Variants in MCCC1 observed in about 807,000 individuals in gnomAD.
The protein encoded by MCCC1 is methylcrotonoyl-CoA carboxylase subunit alpha, mitochondrial.
Under a neutral mutation model 83.8 loss-of-function variants are expected in MCCC1, and 64 were observed. The ratio of observed to expected loss-of-function variants is 0.76; its 90% CI spans 0.62 to 0.94. The LOEUF (loss-of-function observed/expected upper bound fraction) is 0.94. MCCC1 is among the 40% of genes least tolerant of loss of function. The pLI, the probability that MCCC1 is intolerant of heterozygous loss-of-function variation, is 0.00. For synonymous variants in MCCC1, 322 were observed against 315.4 expected (o/e 1.02, Z -0.22); for missense variants, 807 against 904.7 (o/e 0.89, Z 1.39).
intron 9 of MCCC1, among the ~76,000 whole-genome samples, chr3:183,051,503 G>A (rs995001334): frequency 2.2e-4 from 34 of 152,074 alleles, no homozygotes; most frequent in African/African-American, 6.3e-4. Flanking sequence ...AGTGGCTGCC[G>A]GGGTTTAGGG....
In MCCC1 at chr3:183,057,497, T is replaced by C. The variant is rs926526210; in HGVS notation, c.762-75A>G. ...TATCACATTCGTTAAGCTAAACTGT[T>C]AGGCACAATCACCAGGATTTCTCCA... is the stretch of plus-strand genomic sequence containing the variant. On this transcript the variant is annotated intron_variant, in intron 7 of 18. Coordinates refer to ENST00000265594, the MANE Select transcript of MCCC1 (RefSeq NM_020166.5). 5.2e-6 allele frequency: 6 copies of C among 1,146,942 alleles called. No individual in the cohort carries two copies. In the East Asian group the frequency reaches 1.3e-4, roughly 25 times the overall value. The allele number at this position is 1,146,942 out of a possible 1,614,324, so 71.0% of individuals were successfully genotyped here.
chr3:183,076,979 A>G (rs1467236844), intron 4 of MCCC1, among the ~76,000 whole-genome samples: 1 of 152,234 alleles, frequency 6.6e-6, no homozygotes, highest in Non-Finnish European at 1.5e-5. Context: ...ATGGAATCAT[A>G]TAATACATGC....
chr3:183,095,139 C>T (rs1045844759), intron 1 of MCCC1, among the ~76,000 whole-genome samples: 22 of 151,924 alleles, frequency 1.4e-4, no homozygotes, highest in Non-Finnish European at 2.8e-4. Flanking sequence ...AAAAATTAGC[C>T]GGGCGTCATG....
intron 3 of MCCC1, among the ~76,000 whole-genome samples, chr3:183,091,686 G>T (rs1718346990): frequency 6.6e-6 from 1 of 151,914 alleles, no homozygotes; most frequent in African/African-American, 2.4e-5. Flanking sequence ...ATGAAGCAAG[G>T]CTCAGAAACA....
At chr3:183,034,469 A>C (rs1394349284) in intron 13 of MCCC1, among the ~76,000 whole-genome samples, 3 of 144,872 alleles carry the variant, frequency 2.1e-5, no homozygotes, top group Non-Finnish European at 3.0e-5. Flanking sequence ...AAAAAAAAAA[A>C]CAAAAAAACA....
intron 12 of MCCC1, among the ~76,000 whole-genome samples, chr3:183,037,867 A>G (rs1713756892): frequency 6.6e-6 from 1 of 152,234 alleles, no homozygotes; most frequent in Non-Finnish European, 1.5e-5. Flanking sequence ...GGGAGAGGAT[A>G]GGATTAAATG....
At chr3:183,033,000 G>C (rs944292271) in intron 14 of MCCC1, among the ~76,000 whole-genome samples, 4 of 152,162 alleles carry the variant, frequency 2.6e-5, no homozygotes, top group Non-Finnish European at 5.9e-5. Flanking sequence ...CTCTACCTGG[G>C]AGGCATATTT....
chr3:183,063,501 C>A (rs531899830), intron 7 of MCCC1, among the ~76,000 whole-genome samples: 1 of 152,224 alleles, frequency 6.6e-6, no homozygotes, highest in Non-Finnish European at 1.5e-5. Flanking sequence ...TCCATTAGTT[C>A]AACAGGTAAT....
chr3:183,034,122 C>T (rs1240786748), intron 13 of MCCC1, 45 bp from the exon 14 acceptor site: 1 of 1,331,124 alleles, frequency 7.5e-7, no homozygotes, highest in East Asian at 2.3e-5. Context: ...GAGTATCAAG[C>T]CTATGAAATT....
intron 8 of MCCC1, among the ~76,000 whole-genome samples, chr3:183,052,941 C>T (rs1446817678): frequency 2.0e-5 from 1 of 49,190 alleles, no homozygotes; most frequent in African/African-American, 5.3e-5. Context: ...AAGTGTATCC[C>T]TTTTACTTAA....
chr3:183,095,231 C>T (rs566859416), intron 1 of MCCC1, among the ~76,000 whole-genome samples: 50 of 151,600 alleles, frequency 3.3e-4, no homozygotes, highest in Non-Finnish European at 6.5e-4. Flanking sequence ...TGCAGTGAGC[C>T]GAGACTGGGC....
intron 14 of MCCC1, among the ~76,000 whole-genome samples, chr3:183,030,264 T>C (rs1349561358): frequency 6.6e-6 from 1 of 151,992 alleles, no homozygotes; most frequent in Non-Finnish European, 1.5e-5. Flanking sequence ...GCCGAGATCA[T>C]ACCACGGCAC....
Position 183,015,531 on chromosome 3 carries a change from C to T in MCCC1, c.2085G>A (p.Lys695=), listed in dbSNP as rs762296041. The change falls in exon 19 of 19, where the codon AAG becomes AAA. Residue 695 remains lysine, a synonymous_variant. Coordinates refer to ENST00000265594, the MANE Select transcript of MCCC1 (RefSeq NM_020166.5). ...TIKSPKDGTV[K]KVFYREGAQA... is the part of the protein sequence containing the mutation. ...GAGCACCTTCTCTGTAGAACACTTTCTTTACTGTGCCATCCTTTGGAGACT... is the reference window on the plus strand; with the variant it reads ...GAGCACCTTCTCTGTAGAACACTTTTTTTACTGTGCCATCCTTTGGAGACT... 61 of 1,614,114 alleles carry T rather than the reference C, an allele frequency of 3.8e-5. No homozygotes were observed. The highest frequency in any genetic ancestry group is 5.0e-5 in the Non-Finnish European group (59 of 1,179,964).
upstream of MCCC1, chr3:183,099,728 T>C: frequency 5.6e-6 from 3 of 533,806 alleles, 1 homozygote; most frequent in Non-Finnish European, 1.0e-5. Flanking sequence ...GCAAGGGTTT[T>C]CTCCATCCTC....
chr3:183,025,837 T>G (rs1363578974), intron 14 of MCCC1, 33 bp from the exon 15 acceptor site: 1 of 1,552,228 alleles, frequency 6.4e-7, no homozygotes, highest in East Asian at 2.2e-5. Flanking sequence ...TGAAGAAAAA[T>G]TAGAAGACAT....
chr3:183,067,588 TC>T (rs1716348726), intron 7 of MCCC1, among the ~76,000 whole-genome samples: 1 of 152,238 alleles, frequency 6.6e-6, no homozygotes, highest in Admixed American at 6.5e-5. Flanking sequence ...TTTTGAGATT[TC>T]CTACAATTTA....
chr3:183,102,479 A>ATTTT (rs1391254225), upstream of MCCC1, among the ~76,000 whole-genome samples: 4 of 152,198 alleles, frequency 2.6e-5, no homozygotes, highest in Non-Finnish European at 5.9e-5. Context: ...TTAAGAAATC[A>ATTTT]ATTAATAAAA....
intron 4 of MCCC1, among the ~76,000 whole-genome samples, chr3:183,082,168 C>T (rs1447217801): frequency 2.0e-5 from 3 of 152,168 alleles, no homozygotes; most frequent in South Asian, 2.1e-4. Flanking sequence ...ACCCTGGGAC[C>T]GGACACCAAG....
chr3:183,099,922 T>G (rs776628689), upstream of MCCC1, among the ~76,000 whole-genome samples: 9 of 152,256 alleles, frequency 5.9e-5, no homozygotes, highest in South Asian at 2.1e-4. Flanking sequence ...TTAAACCACC[T>G]GAGCTTAAAA....
Sources: allele counts gnomAD v4.1 joint callset (sites outside exome capture counted in the v4.1 genomes callset), GRCh38; gene constraint gnomAD v4.1.1; transcripts MANE v1.5; gene names NCBI Gene and HGNC (gene_info 2026-07-23, HGNC 2026-07-21).